The following CNTLN variants were observed in gnomAD, a reference collection of about 807,000 sequenced individuals.
CNTLN encodes the protein centlein, centrosomal protein.
In CNTLN, 212 loss-of-function variants were observed where a neutral mutation model predicts 180.0. That is an observed-to-expected ratio of 1.18 (90% CI 1.05 to 1.32). CNTLN has a LOEUF of 1.32. Among genes scored for constraint, CNTLN ranks in the 40% most tolerant of loss-of-function variants. CNTLN has a pLI of 0.00. For missense variants in CNTLN, 2,095 were observed against 1,610.9 expected, an observed-to-expected ratio of 1.30 and a Z score of -5.14; for synonymous variants, 722 against 563.1, an observed-to-expected ratio of 1.28 and a Z score of -3.99.
intron 6 of CNTLN, among the ~76,000 whole-genome samples, chr9:17,277,541 G>T (rs1360655167): frequency 6.6e-6 from 1 of 151,098 alleles, no homozygotes; most frequent in Non-Finnish European, 1.5e-5. Context: ...TAACAAGTAT[G>T]TAGTAAGGAA....
At chr9:17,195,843 A>G (rs569819180) in intron 2 of CNTLN, among the ~76,000 whole-genome samples, 2 of 152,304 alleles carry the variant, frequency 1.3e-5, no homozygotes, top group African/African-American at 4.8e-5. Flanking sequence ...ATTAAATTAA[A>G]AGGATACTTT....
chr9:17,190,126 C>A, intron 2 of CNTLN, among the ~76,000 whole-genome samples: 1 of 149,660 alleles, frequency 6.7e-6, no homozygotes, highest in Non-Finnish European at 1.5e-5. Flanking sequence ...GTCTCTTCTT[C>A]CTTTGCTGTA....
chr9:17,507,298 C>A (rs2134445442), downstream of CNTLN, among the ~76,000 whole-genome samples: 1 of 152,254 alleles, frequency 6.6e-6, no homozygotes, highest in South Asian at 2.1e-4. Flanking sequence ...AGCTCCATTT[C>A]CACTGTTGCA....
At chr9:17,377,651 A>C (rs2133556679) in intron 13 of CNTLN, among the ~76,000 whole-genome samples, 1 of 152,306 alleles carries the variant, frequency 6.6e-6, no homozygotes, top group East Asian at 1.9e-4. Context: ...TGAGAATATG[A>C]TTCAACAGGG....
intron 8 of CNTLN, among the ~76,000 whole-genome samples, chr9:17,330,114 A>T (rs1241078448): frequency 6.6e-6 from 1 of 152,036 alleles, no homozygotes; most frequent in Non-Finnish European, 1.5e-5. Flanking sequence ...ATAAATTTCA[A>T]AGGAGAATGC....
intron 18 of CNTLN, among the ~76,000 whole-genome samples, chr9:17,428,621 T>C (rs1180506308): frequency 6.6e-6 from 1 of 152,148 alleles, no homozygotes; most frequent in African/African-American, 2.4e-5. Flanking sequence ...CTTTATAAAC[T>C]GTGACATAAT....
chr9:17,513,529 G>C, the CNTLN span, among the ~76,000 whole-genome samples: 31 of 151,980 alleles, frequency 2.0e-4, no homozygotes, highest in African/African-American at 6.5e-4. Context: ...AACCCCTTCT[G>C]TACAAAAAAT....
intron 10 of CNTLN, among the ~76,000 whole-genome samples, chr9:17,337,102 G>A (rs1335743609): frequency 2.6e-5 from 4 of 152,070 alleles, no homozygotes; most frequent in Admixed American, 6.5e-5. Context: ...CTACATAAAC[G>A]TGTTCTTTTG....
chr9:17,152,352 A>G (rs1166822118), intron 2 of CNTLN, among the ~76,000 whole-genome samples: 2 of 152,104 alleles, frequency 1.3e-5, no homozygotes, highest in South Asian at 2.1e-4. Flanking sequence ...AGATTCGGGT[A>G]TGTTGTCTCT....
At chr9:17,352,418 T>TATATATATATATATA (rs1564020071) in intron 12 of CNTLN, among the ~76,000 whole-genome samples, 2 of 19,270 alleles carry the variant, frequency 1.0e-4, no homozygotes, top group African/African-American at 3.3e-4. Flanking sequence ...ATATATATAT[T>TATATATATATATATA]TTTTTTTTTT....
At chr9:17,257,840 T>C (rs1400319963) in intron 5 of CNTLN, among the ~76,000 whole-genome samples, 1 of 147,198 alleles carries the variant, frequency 6.8e-6, no homozygotes, top group Non-Finnish European at 1.5e-5. Flanking sequence ...TTTTTTCTTG[T>C]AAATTTGTTT....
intron 25 of CNTLN, among the ~76,000 whole-genome samples, chr9:17,498,032 C>G (rs1474017930): frequency 6.6e-6 from 1 of 152,038 alleles, no homozygotes; most frequent in Non-Finnish European, 1.5e-5. Context: ...TCTTCACTTT[C>G]AATATAACTC....
At chr9:17,171,100 TAA>T (rs1321902148) in intron 2 of CNTLN, among the ~76,000 whole-genome samples, 1 of 152,256 alleles carries the variant, frequency 6.6e-6, no homozygotes, top group Admixed American at 6.5e-5. Flanking sequence ...TCCTTGTTGT[TAA>T]GTTACACGTG....
At chr9:17,139,749 C>T (rs1291635835) in intron 1 of CNTLN, among the ~76,000 whole-genome samples, 9 of 152,040 alleles carry the variant, frequency 5.9e-5, no homozygotes, top group Non-Finnish European at 1.2e-4. Context: ...CTGTCACCCA[C>T]GCTGGAGTAC....
At chr9:17,237,120 T>C (rs893624796) in intron 5 of CNTLN, among the ~76,000 whole-genome samples, 5 of 152,038 alleles carry the variant, frequency 3.3e-5, no homozygotes, top group Non-Finnish European at 5.9e-5. Context: ...AATCAATCTT[T>C]ATAATCTTAT....
intron 2 of CNTLN, among the ~76,000 whole-genome samples, chr9:17,153,417 C>T (rs961572170): frequency 1.3e-5 from 2 of 152,140 alleles, no homozygotes; most frequent in African/African-American, 4.8e-5. Flanking sequence ...GCTTATGAAG[C>T]TTATTTTGGA....
At chr9:17,189,880 G>T (rs1026523446) in intron 2 of CNTLN, among the ~76,000 whole-genome samples, 18 of 152,064 alleles carry the variant, frequency 1.2e-4, no homozygotes, top group African/African-American at 3.4e-4. Context: ...ACGAACTATT[G>T]TAAGTCCTCT....
chr9:17,199,233 A>G (rs1314462730), intron 2 of CNTLN, among the ~76,000 whole-genome samples: 1 of 109,082 alleles, frequency 9.2e-6, no homozygotes, highest in Non-Finnish European at 1.8e-5. Context: ...TTTTTTTGAG[A>G]CAGAGTCTTG....
At chr9:17,403,878 C>T (rs1387973506) in intron 15 of CNTLN, among the ~76,000 whole-genome samples, 9 of 151,698 alleles carry the variant, frequency 5.9e-5, no homozygotes, top group Admixed American at 2.0e-4. Context: ...CGGGTTCAAG[C>T]GATTCTCGTG....
Sources: allele counts gnomAD v4.1 joint callset (sites outside exome capture counted in the v4.1 genomes callset), GRCh38; gene constraint gnomAD v4.1.1; transcripts MANE v1.5; gene names NCBI Gene and HGNC (gene_info 2026-07-23, HGNC 2026-07-21).